The following THADA variants were observed in gnomAD, a reference collection of about 807,000 sequenced individuals.
The protein encoded by THADA is THADA armadillo repeat containing.
In THADA, 213 loss-of-function variants were observed where a neutral mutation model predicts 219.8. That is an observed-to-expected ratio of 0.97 (90% confidence interval 0.87 to 1.09). The LOEUF (loss-of-function observed/expected upper bound fraction) is 1.09, where lower values mean the gene tolerates loss of function less well. THADA is among the 50% of genes least tolerant of loss of function. The probability of loss-of-function intolerance (pLI) is 0.00; values close to 1 mark genes in which losing one functional copy is unlikely to be tolerated. For synonymous variants in THADA, 1,018 were observed against 828.9 expected, an observed-to-expected ratio of 1.23 and a Z score of -3.92; for missense variants, 2,956 against 2,311.3, an observed-to-expected ratio of 1.28 and a Z score of -5.72.
Position 43,560,815 on chromosome 2 carries a change from G to C in THADA, c.2312-430C>G, listed in dbSNP as rs866638128. On this transcript the variant is annotated intron_variant, in intron 15 of 37. Coordinates refer to ENST00000405975, the MANE Select transcript of THADA (RefSeq NM_022065.5). ...GTGGATCACCTGAGGTCAAGAGTTT[G>C]AGACCAGTCTGGCCAACAAAGTAAA... is the stretch of plus-strand genomic sequence containing the variant. Among the ~76,000 whole-genome samples, 46 of 152,140 alleles carry C rather than the reference G, an allele frequency of 3.0e-4. 1 individual carries two copies. Among genetic ancestry groups the C allele is most frequent in the Non-Finnish European group, 4.0e-4 (27 of 67,984 alleles).
chr2:43,556,009 T>A, intron 17 of THADA: 1 of 283,010 alleles, frequency 3.5e-6, no homozygotes, highest in Non-Finnish European at 5.6e-6. Context: ...TCCACCTATA[T>A]AGAAACAATA....
chr2:43,435,942 C>A (rs1438291442), intron 26 of THADA, among the ~76,000 whole-genome samples: 1 of 151,948 alleles, frequency 6.6e-6, no homozygotes, highest in African/African-American at 2.4e-5. Context: ...AGTTAGTACA[C>A]CTTCCATGTG....
In THADA at chr2:43,470,361, T is replaced by A. The variant is rs578249737; in HGVS notation, c.3836+14873A>T. On this transcript the variant is annotated intron_variant, in intron 26 of 37. Transcript: ENST00000405975. The stretch of plus-strand genomic sequence containing the variant: ...CCTACACATTAAAACATTTTATACG[T>A]AAAGATGCTCACCATACCATTACTA... 3.9e-5 allele frequency among the ~76,000 whole-genome samples: 6 copies of A among 152,178 alleles called. No homozygotes were observed. The East Asian group carries it at 1.2e-3, about 29-fold the overall frequency.
At chr2:43,537,622 A>G (rs1694774650) in intron 21 of THADA, among the ~76,000 whole-genome samples, 1 of 152,236 alleles carries the variant, frequency 6.6e-6, no homozygotes, top group South Asian at 2.1e-4. Context: ...CTGAGGGAAT[A>G]CATCAATGTA....
At chr2:43,495,634 T>A (rs1411517120) in intron 25 of THADA, among the ~76,000 whole-genome samples, 2 of 152,012 alleles carry the variant, frequency 1.3e-5, no homozygotes, top group Non-Finnish European at 2.9e-5. Context: ...AAAAAAAAAA[T>A]GAATCACTCA....
In THADA at chr2:43,427,402, A is replaced by G. The variant is rs544568803; in HGVS notation, c.4058+698T>C. Among the ~76,000 whole-genome samples, 4 of 152,148 alleles carry G rather than the reference A, an allele frequency of 2.6e-5. No individual in the cohort carries two copies. In the South Asian group the frequency reaches 8.3e-4, roughly 32 times the overall value. On this transcript the variant is annotated intron_variant, in intron 28 of 37. Coordinates refer to ENST00000405975, the MANE Select transcript of THADA (RefSeq NM_022065.5). ...AGAAAACATTACTTACACAGGTTCT[A>G]ATGAGATCCTGTACCCACAATATAA... is the stretch of plus-strand genomic sequence containing the variant.
intron 17 of THADA, among the ~76,000 whole-genome samples, chr2:43,553,069 T>A (rs1696938548): frequency 6.6e-6 from 1 of 152,242 alleles, no homozygotes; most frequent in Non-Finnish European, 1.5e-5. Context: ...GTATCAATAC[T>A]TCATTCCTTC....
At chr2:43,364,233 GAAAAT>G (rs1669866339) in intron 29 of THADA, among the ~76,000 whole-genome samples, 1 of 151,882 alleles carries the variant, frequency 6.6e-6, no homozygotes, top group Admixed American at 6.6e-5. Flanking sequence ...AAAAATAAAA[GAAAAT>G]AAAATAGAAA....
intron 31 of THADA, among the ~76,000 whole-genome samples, chr2:43,293,436 G>C (rs1572945870): frequency 1.3e-5 from 2 of 151,914 alleles, no homozygotes; most frequent in South Asian, 4.2e-4. Context: ...GGGCACAAAG[G>C]CATTACTATT....
At chr2:43,308,756 AC>A (rs1558557771) in intron 31 of THADA, among the ~76,000 whole-genome samples, 3 of 22,930 alleles carry the variant, frequency 1.3e-4, no homozygotes, top group Non-Finnish European at 3.4e-4. Context: ...GGATACCCAT[AC>A]CAAAAAAAAA....
At position 43,574,686 on chromosome 2, in the gene THADA, C is replaced by A; in HGVS notation, c.1379G>T (p.Cys460Phe). 6.2e-7 allele frequency: 1 copy of A among 1,614,032 alleles called. No homozygotes were observed. Among genetic ancestry groups the A allele is most frequent in the Non-Finnish European group, 8.5e-7 (1 of 1,179,886 alleles). The change falls in exon 11 of 38, where the codon TGT (cysteine) becomes TTT (phenylalanine). Residue 460 changes from cysteine (C) to phenylalanine (F), a missense_variant. Cys to Phe is a radical substitution (Grantham distance 205, BLOSUM62 -2). Transcript: ENST00000405975. ...HIKGKYTCLG[C>F]LVECIGVEHI... ...TTCAACTCCTATGCACTCTACCAAA[C>A]AACCAAGGCACGTGTACTTTCCTTT... is the stretch of plus-strand genomic sequence containing the variant.
intron 21 of THADA, among the ~76,000 whole-genome samples, chr2:43,534,351 A>C (rs571067846): frequency 6.6e-6 from 1 of 152,220 alleles, no homozygotes; most frequent in South Asian, 2.1e-4. Context: ...GCTTCTAGCT[A>C]TTTGGAATTA....
rs774972640 is a variant in THADA, at chr2:43,498,892, G to A, written c.3685C>T (p.Pro1229Ser). ...GCCTTAGCTCCATCAGCAACATAAGGAATAATATTTTCTCCCAGGCGCGTA... is the reference window on the plus strand; with the variant it reads ...GCCTTAGCTCCATCAGCAACATAAGAAATAATATTTTCTCCCAGGCGCGTA... ...RDTRLGENII[P>S]YVADGAKAAI... The change falls in exon 25 of 38, where the codon CCT (proline) becomes TCT (serine). Residue 1229 changes from proline to serine, a missense_variant. Physicochemically the swap from Pro to Ser is moderately conservative, Grantham distance 74. Transcript: ENST00000405975. 1 of 1,610,124 alleles carries A rather than the reference G, an allele frequency of 6.2e-7. No individual in the cohort carries two copies.
chr2:43,572,271 T>C (rs1699381709), intron 12 of THADA, among the ~76,000 whole-genome samples: 1 of 152,190 alleles, frequency 6.6e-6, no homozygotes, highest in South Asian at 2.1e-4. Context: ...GAAAACAGAG[T>C]AGCTTTGGTT....
chr2:43,445,195 C>A (rs1159730940), intron 26 of THADA, among the ~76,000 whole-genome samples: 2 of 152,174 alleles, frequency 1.3e-5, no homozygotes, highest in Non-Finnish European at 2.9e-5. Flanking sequence ...ATCCCCCCAT[C>A]CCCCGCAAAG....
chr2:43,560,275 C>G lies in THADA; in HGVS notation c.2422G>C (p.Asp808His), dbSNP rs777608299. The G allele has an allele frequency of 6.2e-7, 1 of 1,612,282 alleles. No homozygotes were observed. Among genetic ancestry groups the G allele is most frequent in the Middle Eastern group, 1.7e-4 (1 of 6,052 alleles). The change falls in exon 16 of 38, where the codon GAT becomes CAT. Residue 808 changes from aspartate (D) to histidine (H), a missense_variant. Transcript: ENST00000405975. ...GTTTTTGATAACTTCATCAGAAGAT[C>G]AAATGCTAAAATTTTCACGTCTTCA... ...TFEDVKILAF[D>H]LLMKLSKTAV...
chr2:43,417,760 A>C (rs1176661540), intron 28 of THADA, among the ~76,000 whole-genome samples: 1 of 152,234 alleles, frequency 6.6e-6, no homozygotes, highest in Non-Finnish European at 1.5e-5. Context: ...CGCTAACAGC[A>C]TGGGTTCTAG....
Position 43,430,248 on chromosome 2 carries a change from G to C in THADA, c.3891C>G (p.Leu1297=), listed in dbSNP as rs878894833. The part of the protein sequence containing the change: ...SRFPELYPFL[L]KQLETVANTV... ...TATTGGCTACAGTTTCCAACTGTTT[G>C]AGAAGAAAAGGATAGAGTTCTGGGA... The change falls in exon 27 of 38, where the codon CTC becomes CTG. Residue 1297 remains leucine, a synonymous_variant. Transcript: ENST00000405975. 4 of 1,551,920 alleles carry C rather than the reference G, an allele frequency of 2.6e-6. No individual in the cohort carries two copies. The highest frequency in any genetic ancestry group is 4.0e-5 in the Admixed American group (2 of 50,512).
intron 26 of THADA, among the ~76,000 whole-genome samples, chr2:43,450,379 T>C (rs965508111): frequency 5.9e-5 from 9 of 152,060 alleles, no homozygotes; most frequent in Non-Finnish European, 1.0e-4. Flanking sequence ...CGAAGCCATA[T>C]AGGAGCAGAG....
Sources: gnomAD v4.1 joint callset for allele counts (sites outside exome capture counted in the v4.1 genomes callset) on GRCh38, gnomAD v4.1.1 for gene constraint, MANE v1.5 for transcripts, NCBI Gene and HGNC (gene_info 2026-07-23, HGNC 2026-07-21) for gene names.